Variants in PHACTR1 observed in about 807,000 individuals in gnomAD.
PHACTR1 encodes the protein RPEL repeat containing 1.
A neutral mutation model predicts 69.2 loss-of-function variants in PHACTR1; 16 were observed. That is an observed-to-expected ratio of 0.23 (90% CI 0.16 to 0.35). The LOEUF is 0.35. Among genes scored for constraint, PHACTR1 ranks in the 10% least tolerant of loss-of-function variants. The pLI is 1.00. For synonymous variants in PHACTR1, 312 were observed against 284.5 expected (o/e 1.10, Z -0.97); for missense variants, 510 against 734.7 (o/e 0.69, Z 3.54).
chr6:12,911,388 T>C (rs1786376930), intron 4 of PHACTR1, among the ~76,000 whole-genome samples: 1 of 152,196 alleles, frequency 6.6e-6, no homozygotes, highest in Admixed American at 6.5e-5. Flanking sequence ...TATCACACCA[T>C]ATCTTACTTT....
chr6:12,767,058 G>C (rs1768711113), intron 4 of PHACTR1, among the ~76,000 whole-genome samples: 1 of 152,192 alleles, frequency 6.6e-6, no homozygotes, highest in African/African-American at 2.4e-5. Flanking sequence ...TTTTGGTCAT[G>C]TATGAAGATG....
chr6:12,866,811 T>G (rs546366352), intron 4 of PHACTR1, among the ~76,000 whole-genome samples: 1 of 152,346 alleles, frequency 6.6e-6, no homozygotes, highest in South Asian at 2.1e-4. Context: ...CAGGCTTGTA[T>G]GCTAGGAAAC....
At chr6:12,975,963 T>C (rs923040714) in intron 4 of PHACTR1, among the ~76,000 whole-genome samples, 2 of 152,226 alleles carry the variant, frequency 1.3e-5, no homozygotes, top group Middle Eastern at 3.2e-3. Flanking sequence ...TTGAAAAGAT[T>C]TGGCATTTAG....
At chr6:12,929,495 A>G (rs1490351363) in intron 4 of PHACTR1, among the ~76,000 whole-genome samples, 1 of 152,224 alleles carries the variant, frequency 6.6e-6, no homozygotes, top group Non-Finnish European at 1.5e-5. Context: ...AAGCTCTCAA[A>G]TGTTATCCTC....
chr6:12,983,892 CT>C lies in PHACTR1; in HGVS notation c.251-69472del, dbSNP rs147208312. ...GACATGAAATCATCCTTTTTTATCG[CT>C]GCATAGTATTCCATGGTGTATACAT... On this transcript the variant is annotated intron_variant, in intron 4 of 14. Coordinates refer to ENST00000332995, the MANE Select transcript of PHACTR1 (RefSeq NM_030948.6). 6.0e-3 allele frequency among the ~76,000 whole-genome samples: 917 copies of C among 152,302 alleles called. 5 individuals carry two copies. Among genetic ancestry groups the C allele is most frequent in the Non-Finnish European group, 0.011 (716 of 68,014 alleles).
At chr6:13,259,316 T>G (rs926252272) in intron 10 of PHACTR1, among the ~76,000 whole-genome samples, 3 of 152,204 alleles carry the variant, frequency 2.0e-5, no homozygotes, top group African/African-American at 7.2e-5. Context: ...GTTTTGTTTT[T>G]CAATGGATTT....
At chr6:13,065,422 C>T (rs1400935963) in intron 5 of PHACTR1, among the ~76,000 whole-genome samples, 4 of 151,680 alleles carry the variant, frequency 2.6e-5, no homozygotes, top group African/African-American at 9.7e-5. Context: ...AAAGAAGAGT[C>T]CACCCTGGCA....
chr6:12,822,515 C>T (rs1394206754), intron 4 of PHACTR1, among the ~76,000 whole-genome samples: 5 of 152,222 alleles, frequency 3.3e-5, no homozygotes, highest in Admixed American at 6.5e-5. Context: ...GTATCTGCCA[C>T]GGTCAGAAGA....
intron 4 of PHACTR1, chr6:12,933,735 G>A: frequency 6.2e-7 from 1 of 1,612,798 alleles, no homozygotes; most frequent in African/African-American, 1.3e-5. Flanking sequence ...GAAAACCACG[G>A]CCTCCTGAAG....
At chr6:13,063,023 C>T (rs1190123955) in intron 5 of PHACTR1, among the ~76,000 whole-genome samples, 2 of 152,146 alleles carry the variant, frequency 1.3e-5, no homozygotes, top group East Asian at 1.9e-4. Flanking sequence ...CCTTGGTGTT[C>T]CTATTTCTCA....
intron 4 of PHACTR1, among the ~76,000 whole-genome samples, chr6:12,903,975 G>GT (rs1785460702): frequency 2.6e-5 from 4 of 151,948 alleles, no homozygotes; most frequent in African/African-American, 9.7e-5. Context: ...GTCAATTCCT[G>GT]TTTTTAACTA....
intron 8 of PHACTR1, among the ~76,000 whole-genome samples, chr6:13,208,627 G>GCCCCC (rs138524215): frequency 2.1e-5 from 3 of 141,342 alleles, no homozygotes; most frequent in African/African-American, 5.3e-5. Flanking sequence ...CGTCATTGCT[G>GCCCCC]CCCACCCCCC....
intron 8 of PHACTR1, among the ~76,000 whole-genome samples, chr6:13,210,289 A>G (rs1460205476): frequency 6.6e-6 from 1 of 152,176 alleles, no homozygotes; most frequent in Non-Finnish European, 1.5e-5. Flanking sequence ...TTCTGGCATT[A>G]CAGGTGTAAG....
At chr6:13,095,535 T>A (rs921103583) in intron 5 of PHACTR1, among the ~76,000 whole-genome samples, 2 of 151,980 alleles carry the variant, frequency 1.3e-5, no homozygotes, top group African/African-American at 2.4e-5. Flanking sequence ...AAAAAAAAAA[T>A]ATGTATTGTG....
chr6:13,083,502 G>A (rs1811754321), intron 5 of PHACTR1, among the ~76,000 whole-genome samples: 1 of 150,708 alleles, frequency 6.6e-6, no homozygotes, highest in South Asian at 2.1e-4. Flanking sequence ...GTAGCTTGAT[G>A]GGGATGGCAT....
At chr6:13,110,278 A>G (rs1025050239) in intron 5 of PHACTR1, among the ~76,000 whole-genome samples, 15 of 152,170 alleles carry the variant, frequency 9.9e-5, no homozygotes, top group Admixed American at 9.8e-4. Context: ...AGTAATTTGC[A>G]TGATCCCTCC....
chr6:12,945,964 A>AAAATAAAT (rs146460461), intron 4 of PHACTR1, among the ~76,000 whole-genome samples: 23,308 of 142,238 alleles, frequency 0.16, 2,169 homozygotes, highest in East Asian at 0.27. Flanking sequence ...CTCTGTCTCA[A>AAAATAAAT]AAATAAATAA....
chr6:12,980,036 C>T (rs1582809153), intron 4 of PHACTR1, among the ~76,000 whole-genome samples: 3 of 151,990 alleles, frequency 2.0e-5, no homozygotes, highest in South Asian at 4.2e-4. Flanking sequence ...CTTCATGGTA[C>T]GTAGAAATGT....
At chr6:12,832,049 A>G (rs1777637105) in intron 4 of PHACTR1, among the ~76,000 whole-genome samples, 1 of 152,100 alleles carries the variant, frequency 6.6e-6, no homozygotes, top group Admixed American at 6.5e-5. Context: ...TTAAGGCTGC[A>G]GGGAGCCATG....
Sources: allele counts gnomAD v4.1 joint callset (sites outside exome capture counted in the v4.1 genomes callset), GRCh38; gene constraint gnomAD v4.1.1; transcripts MANE v1.5; gene names NCBI Gene and HGNC (gene_info 2026-07-23, HGNC 2026-07-21).